Variants in NEK5 observed in about 807,000 individuals in gnomAD.
NEK5 encodes NIMA related kinase 5.
Under a neutral mutation model 109.2 loss-of-function variants are expected in NEK5, and 88 were observed. The observed-to-expected ratio is 0.81, with a 90% CI of 0.68 to 0.96. The LOEUF (loss-of-function observed/expected upper bound fraction) is 0.96, where lower values mean the gene tolerates loss of function less well. Among genes scored for constraint, NEK5 ranks in the 40% least tolerant of loss-of-function variants. The probability of loss-of-function intolerance (pLI) is 0.00; values close to 1 mark genes in which losing one functional copy is unlikely to be tolerated. For synonymous variants in NEK5, 283 were observed against 299.9 expected (o/e 0.94, Z 0.58); for missense variants, 834 against 920.7 (o/e 0.91, Z 1.22).
chr13:52,082,153 T>C, intron 17 of NEK5: 1 of 255,212 alleles, frequency 3.9e-6, no homozygotes, highest in South Asian at 3.8e-5. Context: ...CTGTCTCTAC[T>C]AAAATACAAA....
At chr13:52,095,288 C>T (rs1371407340) in intron 12 of NEK5, among the ~76,000 whole-genome samples, 1 of 152,044 alleles carries the variant, frequency 6.6e-6, no homozygotes, top group African/African-American at 2.4e-5. Flanking sequence ...ACAATTTCAC[C>T]TATATACAAC....
chr13:52,116,178 CAAA>C (rs35020086), intron 4 of NEK5, among the ~76,000 whole-genome samples: 46 of 115,894 alleles, frequency 4.0e-4, no homozygotes, highest in African/African-American at 1.5e-3. Context: ...AAGACTGTCT[CAAA>C]AAAAAAAAAA....
rs925555003 is a variant in NEK5 at position 52,035,056 on chromosome 13, C to T, written c.*1892G>A. 3.3e-5 allele frequency: 5 copies of T among 151,582 alleles called. No individual in the cohort carries two copies. The highest frequency in any genetic ancestry group is 1.3e-4 in the Admixed American group (2 of 15,248). The allele number at this position is 151,582 out of a possible 1,614,324, so 9.4% of individuals were successfully genotyped here. A position where few individuals can be genotyped will look rare whatever the true frequency, so the allele number is the denominator to read the frequency against. ...CTGAAAGTAAATAAACATGCACATC[C>T]GGAGCACTAAAAGAGTTGCAGAATT... On this transcript the variant is annotated 3_prime_UTR_variant, in exon 24 of 24. Transcript: ENST00000684899.
At chr13:52,082,137 G>A in intron 17 of NEK5, 1 of 229,362 alleles carries the variant, frequency 4.4e-6, no homozygotes, top group Non-Finnish European at 8.7e-6. Context: ...CCAACATGGT[G>A]AGACCCTGTC....
At chr13:52,079,286 A>ATCCTGATCCCTC in intron 17 of NEK5, among the ~76,000 whole-genome samples, 1 of 127,966 alleles carries the variant, frequency 7.8e-6, no homozygotes, top group East Asian at 2.2e-4. Context: ...AAGTAATCTG[A>ATCCTGATCCCTC]TCCCTCTCCC....
chr13:52,080,929 G>T (rs1057087162), intron 17 of NEK5, among the ~76,000 whole-genome samples: 26 of 140,028 alleles, frequency 1.9e-4, no homozygotes, highest in Admixed American at 3.7e-4. Context: ...TAAAGGCGAT[G>T]TTATATGTAT....
At chr13:52,095,960 C>A (rs917471182) in intron 12 of NEK5, among the ~76,000 whole-genome samples, 27 of 152,190 alleles carry the variant, frequency 1.8e-4, no homozygotes, top group Admixed American at 3.3e-4. Flanking sequence ...GGGGCAGATT[C>A]CCCCCTTGCT....
chr13:52,106,763 T>C (rs1470144452), intron 8 of NEK5, among the ~76,000 whole-genome samples: 1 of 148,694 alleles, frequency 6.7e-6, no homozygotes, highest in Non-Finnish European at 1.5e-5. Context: ...CCAGACTCCA[T>C]CTCAAAAAAA....
chr13:52,068,383 T>C (rs891850376), intron 20 of NEK5, among the ~76,000 whole-genome samples: 6 of 152,140 alleles, frequency 3.9e-5, no homozygotes, highest in Non-Finnish European at 8.8e-5. Flanking sequence ...GGTCTGTAAA[T>C]ACCTCAGTAA....
chr13:52,064,432 C>G (rs1288717075), intron 21 of NEK5, among the ~76,000 whole-genome samples: 1 of 145,540 alleles, frequency 6.9e-6, no homozygotes, highest in South Asian at 2.2e-4. Flanking sequence ...CCAGCCACCC[C>G]GTCCGGGAGG....
intron 4 of NEK5, among the ~76,000 whole-genome samples, chr13:52,118,891 C>G (rs1955913876): frequency 6.6e-6 from 1 of 152,156 alleles, no homozygotes; most frequent in Non-Finnish European, 1.5e-5. Flanking sequence ...GTGTTTTCCC[C>G]TCTTCTCTTG....
chr13:52,054,744 T>C (rs918064967), intron 22 of NEK5, among the ~76,000 whole-genome samples: 5 of 152,230 alleles, frequency 3.3e-5, no homozygotes, highest in Non-Finnish European at 7.3e-5. Flanking sequence ...GGGTCCTGTC[T>C]GTTAGAAGGA....
intron 14 of NEK5, among the ~76,000 whole-genome samples, chr13:52,087,873 C>T (rs563444795): frequency 6.6e-6 from 1 of 151,602 alleles, no homozygotes; most frequent in East Asian, 1.9e-4. Flanking sequence ...GATCTGCCCG[C>T]CTTGGCCTCC....
intron 20 of NEK5, among the ~76,000 whole-genome samples, chr13:52,070,368 CT>C (rs1288199945): frequency 6.6e-6 from 1 of 152,158 alleles, no homozygotes; most frequent in Non-Finnish European, 1.5e-5. Context: ...GCCAAGATAA[CT>C]TTAGTAACTG....
At chr13:52,048,186 T>C (rs115610168) in intron 23 of NEK5, among the ~76,000 whole-genome samples, 77 of 152,346 alleles carry the variant, frequency 5.1e-4, no homozygotes, top group African/African-American at 1.7e-3. Flanking sequence ...ATGATGGATA[T>C]GCTAATTACC....
At chr13:52,104,105 A>G (rs983736529) in intron 9 of NEK5, among the ~76,000 whole-genome samples, 2 of 152,042 alleles carry the variant, frequency 1.3e-5, no homozygotes, top group African/African-American at 4.8e-5. Context: ...GACTGCAGGC[A>G]CATGCCACCA....
chr13:52,084,734 TGAGAGAGAGAGA>T (rs1170629594), intron 16 of NEK5, among the ~76,000 whole-genome samples: 4 of 110,038 alleles, frequency 3.6e-5, no homozygotes, highest in African/African-American at 1.2e-4. Flanking sequence ...AGAGAGAGAG[TGAGAGAGAGAGA>T]GAGAGAGAGA....
At chr13:52,082,020 GATA>G (rs1955022101) in intron 17 of NEK5, among the ~76,000 whole-genome samples, 2 of 152,164 alleles carry the variant, frequency 1.3e-5, no homozygotes, top group Admixed American at 1.3e-4. Flanking sequence ...TAATTATAAA[GATA>G]ATAATAATTC....
intron 3 of NEK5, among the ~76,000 whole-genome samples, chr13:52,123,835 C>T (rs1956015899): frequency 7.0e-6 from 1 of 143,880 alleles, no homozygotes; most frequent in African/African-American, 2.4e-5. Context: ...TAGAGCTCAG[C>T]CTTGAACAAG....
Sources: allele counts gnomAD v4.1 joint callset (sites outside exome capture counted in the v4.1 genomes callset), GRCh38; gene constraint gnomAD v4.1.1; transcripts MANE v1.5; gene names NCBI Gene and HGNC (gene_info 2026-07-23, HGNC 2026-07-21).